The following KIAA1958 variants were observed in gnomAD, a reference collection of about 807,000 sequenced individuals.
The protein encoded by KIAA1958 is uncharacterized protein KIAA1958.
A neutral mutation model predicts 47.2 loss-of-function variants in KIAA1958; 14 were observed. That is an observed-to-expected ratio of 0.30 (90% CI 0.20 to 0.46). KIAA1958 has a LOEUF of 0.46. Ranked by LOEUF, KIAA1958 falls within the 20% of genes least tolerant of loss-of-function variation. KIAA1958 has a pLI of 1.00. For synonymous variants in KIAA1958, 354 were observed against 353.3 expected, an observed-to-expected ratio of 1.00 and a Z score of -0.02; for missense variants, 803 against 909.2, an observed-to-expected ratio of 0.88 and a Z score of 1.50.
chr9:112,537,459 A>C (rs1177711823), intron 1 of KIAA1958, among the ~76,000 whole-genome samples: 1 of 152,254 alleles, frequency 6.6e-6, no homozygotes, highest in African/African-American at 2.4e-5. Context: ...ATCTTTAAGG[A>C]GTTTCTATAA....
intron 2 of KIAA1958, among the ~76,000 whole-genome samples, chr9:112,602,552 AT>A (rs1836152697): frequency 6.6e-6 from 1 of 152,130 alleles, no homozygotes; most frequent in Non-Finnish European, 1.5e-5. Flanking sequence ...GGAGCTATCC[AT>A]TGGTTTTATG....
intron 2 of KIAA1958, among the ~76,000 whole-genome samples, chr9:112,597,390 A>G (rs973281919): frequency 6.6e-6 from 1 of 152,234 alleles, no homozygotes; most frequent in African/African-American, 2.4e-5. Context: ...GATTAGAGTT[A>G]CTGGAGGTCA....
At position 112,659,580 on chromosome 9, in the gene KIAA1958, T is replaced by C. The variant is rs758327803; in HGVS notation, c.1662T>C (p.Thr554=). The change falls in exon 4 of 4, where the codon ACT becomes ACC. Residue 554 remains threonine, a synonymous_variant. Coordinates refer to ENST00000337530, the MANE Select transcript of KIAA1958 (RefSeq NM_133465.4). ...GTCTGGGGGATGACAGCCCTATCAC[T>C]CTCCTGTCCACTGTGGTCAAGTACA... ...AGCLGDDSPI[T]LLSTVVKYNS... is the part of the protein sequence containing the mutation. 4 of 1,613,316 alleles carry C rather than the reference T, an allele frequency of 2.5e-6. No individual in the cohort carries two copies. The highest frequency in any genetic ancestry group is 3.4e-6 in the Non-Finnish European group (4 of 1,179,706).
In KIAA1958 at chr9:112,574,832, A is replaced by C. The variant is rs1835611106; in HGVS notation, c.752A>C (p.Lys251Thr). 6.2e-6 allele frequency: 10 copies of C among 1,614,112 alleles called. No homozygotes were observed. The highest frequency in any genetic ancestry group is 6.8e-6 in the Non-Finnish European group (8 of 1,179,998). ...GGTCCCTCCTGTGTAGGGTCTGCTAAACTGATTCCCCATGTCACATCTGCC... is the reference window on the plus strand; with the variant it reads ...GGTCCCTCCTGTGTAGGGTCTGCTACACTGATTCCCCATGTCACATCTGCC... The part of the protein sequence containing the change: ...HAGPSCVGSA[K>T]LIPHVTSAIS... Residue 251 changes from lysine to threonine, a missense_variant, in exon 2 of 4, where the codon AAA becomes ACA. By Grantham distance (78) the Lys-to-Thr change is moderately conservative. Coordinates refer to ENST00000337530, the MANE Select transcript of KIAA1958 (RefSeq NM_133465.4).
At chr9:112,495,568 G>C (rs1280558210) in intron 1 of KIAA1958, among the ~76,000 whole-genome samples, 1 of 152,210 alleles carries the variant, frequency 6.6e-6, no homozygotes, top group African/African-American at 2.4e-5. Flanking sequence ...GCTATTCAAA[G>C]TGTAAATTGG....
intron 2 of KIAA1958, among the ~76,000 whole-genome samples, chr9:112,625,394 T>A (rs1836591267): frequency 6.6e-6 from 1 of 152,028 alleles, no homozygotes; most frequent in Non-Finnish European, 1.5e-5. Flanking sequence ...ACTCAAGTGA[T>A]CCCCCCACCT....
Position 112,660,268 on chromosome 9 carries a change from G to T in KIAA1958, c.*199G>T, listed in dbSNP as rs556352546. ...TAGATGAGTCTAAATCATTCGGATG[G>T]TTTATCCAAATGTGCGTCAACTTCG... On this transcript the variant is annotated 3_prime_UTR_variant, in exon 4 of 4. Coordinates refer to ENST00000337530, the MANE Select transcript of KIAA1958 (RefSeq NM_133465.4). 5.1e-6 allele frequency: 3 copies of T among 583,694 alleles called. No homozygotes were observed. The highest frequency in any genetic ancestry group is 5.6e-5 in the East Asian group (2 of 35,848). The allele number at this position is 583,694 out of a possible 1,614,324, so 36.2% of individuals were successfully genotyped here. A position where few individuals can be genotyped will look rare whatever the true frequency, so the allele number is the denominator to read the frequency against.
chr9:112,554,355 G>T (rs552184243), intron 1 of KIAA1958, among the ~76,000 whole-genome samples: 39 of 152,082 alleles, frequency 2.6e-4, no homozygotes, highest in African/African-American at 9.2e-4. Context: ...AAAATCAGCC[G>T]GGCATGGTGG....
intron 2 of KIAA1958, among the ~76,000 whole-genome samples, chr9:112,611,646 T>C (rs1036736913): frequency 6.6e-6 from 1 of 152,118 alleles, no homozygotes; most frequent in Non-Finnish European, 1.5e-5. Context: ...TTCCCAATCA[T>C]AAGTATGTCA....
chr9:112,591,512 GAAGT>G (rs1401198170), intron 2 of KIAA1958, among the ~76,000 whole-genome samples: 1 of 152,058 alleles, frequency 6.6e-6, no homozygotes, highest in Admixed American at 6.5e-5. Flanking sequence ...ATTTTTTATA[GAAGT>G]ATTTATTTTT....
intron 2 of KIAA1958, among the ~76,000 whole-genome samples, chr9:112,611,843 T>G (rs1836333495): frequency 6.6e-6 from 1 of 152,014 alleles, no homozygotes; most frequent in African/African-American, 2.4e-5. Context: ...CAAATTTTTA[T>G]TATACCTAAT....
chr9:112,552,192 C>G (rs1279300463), intron 1 of KIAA1958, among the ~76,000 whole-genome samples: 2 of 152,182 alleles, frequency 1.3e-5, no homozygotes, highest in Non-Finnish European at 2.9e-5. Context: ...GTTTGCTTAA[C>G]AATCTGTTAG....
intron 1 of KIAA1958, among the ~76,000 whole-genome samples, chr9:112,545,511 G>A (rs1835013084): frequency 6.6e-6 from 1 of 152,056 alleles, no homozygotes; most frequent in South Asian, 2.1e-4. Context: ...GTATATTTTT[G>A]TACTTTTTTT....
chr9:112,595,614 G>C (rs1836008494), intron 2 of KIAA1958, among the ~76,000 whole-genome samples: 1 of 149,880 alleles, frequency 6.7e-6, no homozygotes, highest in African/African-American at 2.5e-5. Context: ...GGAGGCAGAG[G>C]TTGCAGTGAG....
chr9:112,647,736 C>G (rs1174743576), intron 3 of KIAA1958, among the ~76,000 whole-genome samples: 3 of 152,176 alleles, frequency 2.0e-5, no homozygotes, highest in Non-Finnish European at 4.4e-5. Context: ...GAATGGGCTG[C>G]ACAGAATGTG....
At chr9:112,586,206 G>C (rs1197318080) in intron 2 of KIAA1958, among the ~76,000 whole-genome samples, 1 of 152,152 alleles carries the variant, frequency 6.6e-6, no homozygotes, top group Admixed American at 6.5e-5. Flanking sequence ...GTGGTTAAAT[G>C]AACAATTAAG....
intron 2 of KIAA1958, among the ~76,000 whole-genome samples, chr9:112,641,327 C>CTTTT (rs1230148640): frequency 9.8e-6 from 1 of 101,986 alleles, no homozygotes; most frequent in Non-Finnish European, 2.0e-5. Context: ...GAGACTATGT[C>CTTTT]TTTTTTTTTT....
At chr9:112,613,396 A>G (rs1588040018) in intron 2 of KIAA1958, among the ~76,000 whole-genome samples, 1 of 152,334 alleles carries the variant, frequency 6.6e-6, no homozygotes, top group Non-Finnish European at 1.5e-5. Flanking sequence ...AGCTTTTGGA[A>G]GAAATGGAAA....
chr9:112,548,035 G>T (rs1835073636), intron 1 of KIAA1958, among the ~76,000 whole-genome samples: 1 of 114,006 alleles, frequency 8.8e-6, no homozygotes, highest in South Asian at 2.7e-4. Flanking sequence ...TGGAGACAAG[G>T]TCTTGCCCTT....
Sources: gnomAD v4.1 joint callset for allele counts (sites outside exome capture counted in the v4.1 genomes callset) on GRCh38, gnomAD v4.1.1 for gene constraint, MANE v1.5 for transcripts, NCBI Gene and HGNC (gene_info 2026-07-23, HGNC 2026-07-21) for gene names.